Variants in MACF1 observed in about 807,000 individuals in gnomAD.
MACF1 encodes microtubule-actin cross-linking factor 1.
MACF1 carries 193 observed loss-of-function variants against 854.8 expected under a neutral mutation model. The observed-to-expected ratio is 0.23, with a 90% CI of 0.20 to 0.25. The LOEUF (loss-of-function observed/expected upper bound fraction) is 0.25. Ranked by LOEUF, MACF1 falls within the 10% of genes least tolerant of loss-of-function variation. MACF1 has a pLI of 1.00. For missense variants in MACF1, 7,722 were observed against 8,929.1 expected, an observed-to-expected ratio of 0.86 and a Z score of 5.45; for synonymous variants, 3,185 against 3,226.7, an observed-to-expected ratio of 0.99 and a Z score of 0.44.
intron 2 of MACF1, among the ~76,000 whole-genome samples, chr1:39,148,856 T>C (rs1027640431): frequency 2.6e-5 from 4 of 152,370 alleles, no homozygotes; most frequent in African/African-American, 7.2e-5. Flanking sequence ...TAAAAAACTT[T>C]TGCCAAACTA....
intron 31 of MACF1, 23 bp downstream of exon 31, chr1:39,319,770 A>G: frequency 6.5e-7 from 1 of 1,542,098 alleles, no homozygotes; most frequent in Non-Finnish European, 8.9e-7. Context: ...CATCCCAAAA[A>G]GAACATGAAT....
intron 66 of MACF1, 107 bp downstream of exon 66, chr1:39,431,015 G>C (rs879802377): frequency 1.0e-6 from 1 of 983,258 alleles, no homozygotes; most frequent in African/African-American, 1.6e-5. Context: ...ATGGGCTCAA[G>C]CTAAATCTGG....
chr1:39,140,911 T>C (rs1185804389), intron 2 of MACF1, among the ~76,000 whole-genome samples: 1 of 71,998 alleles, frequency 1.4e-5, no homozygotes, highest in African/African-American at 6.5e-5. Flanking sequence ...TGAGACTCTG[T>C]CTCAAAAAAA....
intron 63 of MACF1, among the ~76,000 whole-genome samples, chr1:39,428,680 T>C (rs1445037301): frequency 2.0e-5 from 3 of 152,240 alleles, no homozygotes; most frequent in African/African-American, 7.2e-5. Flanking sequence ...AAAAAACTTT[T>C]AGGATATTTC....
chr1:39,384,262 C>T (rs532413581), intron 56 of MACF1, among the ~76,000 whole-genome samples: 8 of 152,178 alleles, frequency 5.3e-5, no homozygotes, highest in Admixed American at 1.3e-4. Context: ...TTCTGTGTTG[C>T]GTGTTCACAT....
At chr1:39,284,625 T>A (rs1329720745) in intron 11 of MACF1, among the ~76,000 whole-genome samples, 197 bp downstream of exon 11, 1 of 152,220 alleles carries the variant, frequency 6.6e-6, no homozygotes, top group Non-Finnish European at 1.5e-5. Flanking sequence ...CTCTGTTTTT[T>A]AAAGGGCTTA....
At chr1:39,230,426 G>A (rs1644764748) in intron 1 of MACF1, among the ~76,000 whole-genome samples, 1 of 152,176 alleles carries the variant, frequency 6.6e-6, no homozygotes, top group Non-Finnish European at 1.5e-5. Flanking sequence ...GATGGTGTGG[G>A]CTTTCAGAAA....
intron 2 of MACF1, among the ~76,000 whole-genome samples, chr1:39,172,690 T>C (rs1425155533): frequency 6.6e-6 from 1 of 152,248 alleles, no homozygotes; most frequent in Non-Finnish European, 1.5e-5. Context: ...TGCTAGGAGA[T>C]GAGCCATCAG....
chr1:39,098,359 T>G (rs1186060790), intron 2 of MACF1, among the ~76,000 whole-genome samples: 1 of 152,112 alleles, frequency 6.6e-6, no homozygotes, highest in Non-Finnish European at 1.5e-5. Flanking sequence ...TTGCTCAAGG[T>G]CTCCCAGCCA....
chr1:39,140,230 C>T (rs1400552929), intron 2 of MACF1, among the ~76,000 whole-genome samples: 1 of 152,172 alleles, frequency 6.6e-6, no homozygotes, highest in Non-Finnish European at 1.5e-5. Flanking sequence ...GCTGGGATTA[C>T]GGGCATGAGC....
intron 1 of MACF1, among the ~76,000 whole-genome samples, chr1:39,209,068 A>G (rs1644486846): frequency 6.6e-6 from 1 of 151,910 alleles, no homozygotes; most frequent in Non-Finnish European, 1.5e-5. Context: ...CCTGACCAAC[A>G]TGGAGAAACC....
rs1645583864 is a variant in MACF1 at position 39,283,123 on chromosome 1, C to G, written c.696-66C>G. The G allele has an allele frequency of 2.8e-5, 28 of 1,006,010 alleles. No individual in the cohort carries two copies. The highest frequency in any genetic ancestry group is 1.7e-5 in the Non-Finnish European group (11 of 648,798). The allele number at this position is 1,006,010 out of a possible 1,614,324, so 62.3% of individuals were successfully genotyped here. A position where few individuals can be genotyped will look rare whatever the true frequency, so the allele number is the denominator to read the frequency against. On this transcript the variant is annotated intron_variant, in intron 7 of 100. Coordinates refer to ENST00000564288, the MANE Select transcript of MACF1 (RefSeq NM_001394062.1). The surrounding 1 kb of genome is among the most constrained non-coding windows in gnomAD (Gnocchi z 4.5). ...GCTCTGGGAACTTTCAGGAGGTTTT[C>G]TTTGTGTAAACTCATGTGTGATGTG...
chr1:39,363,588 C>CTTTCTTTCTTTCTTTCTTTT (rs1648393866), intron 49 of MACF1, among the ~76,000 whole-genome samples: 1 of 138,522 alleles, frequency 7.2e-6, no homozygotes, highest in Non-Finnish European at 1.5e-5. Context: ...CAACAAGACT[C>CTTTCTTTCTTTCTTTCTTTT]TTTCTTTCTT....
intron 40 of MACF1, 76 bp downstream of exon 40, chr1:39,341,029 A>G: frequency 8.5e-7 from 1 of 1,180,172 alleles, no homozygotes; most frequent in Non-Finnish European, 1.2e-6. Flanking sequence ...CAATATCCAT[A>G]TTTATCTTTT....
chr1:39,385,184 C>T (rs1650575017), intron 56 of MACF1, among the ~76,000 whole-genome samples: 1 of 152,186 alleles, frequency 6.6e-6, no homozygotes, highest in African/African-American at 2.4e-5. Context: ...TCTCGTGCCT[C>T]AGCCTCCCGA....
intron 66 of MACF1, among the ~76,000 whole-genome samples, chr1:39,431,568 T>C (rs1254326646): frequency 6.6e-6 from 1 of 152,158 alleles, no homozygotes; most frequent in Admixed American, 6.5e-5. Context: ...GTCTTTAGAG[T>C]TATCCCTTAT....
Position 39,297,717 on chromosome 1 carries a change from G to T in MACF1, c.2453G>T (p.Arg818Leu). Residue 818 changes from arginine (R) to leucine (L), a missense_variant, in exon 21 of 101, where the codon CGC (arginine) becomes CTC (leucine). Coordinates refer to ENST00000564288, the MANE Select transcript of MACF1 (RefSeq NM_001394062.1). ...YSCDHNTSLS[R>L]LEDLLQDSMD... ...TGTGACCACAACACCAGCTTATCCC[G>T]CCTTGAAGACCTGCTCCAGGACTCC... 3 of 1,614,080 alleles carry T rather than the reference G, an allele frequency of 1.9e-6. No individual in the cohort carries two copies. The highest frequency in any genetic ancestry group is 2.5e-6 in the Non-Finnish European group (3 of 1,180,008).
intron 2 of MACF1, among the ~76,000 whole-genome samples, chr1:39,149,138 T>G (rs1643522841): frequency 6.6e-6 from 1 of 152,148 alleles, no homozygotes; most frequent in South Asian, 2.1e-4. Context: ...GAGTGACTCT[T>G]GAATACAGAA....
chr1:39,246,258 C>T (rs66727439), intron 2 of MACF1, among the ~76,000 whole-genome samples: 24,292 of 141,240 alleles, frequency 0.17, 2,416 homozygotes, highest in Non-Finnish European at 0.23. Flanking sequence ...TTAGCTAGCA[C>T]CTCTGTGCAT....
Sources: gnomAD v4.1 joint callset for allele counts (sites outside exome capture counted in the v4.1 genomes callset) on GRCh38, gnomAD v4.1.1 for gene constraint, Gnocchi (gnomAD v3.1) non-coding constraint, MANE v1.5 for transcripts, NCBI Gene and HGNC (gene_info 2026-07-23, HGNC 2026-07-21) for gene names.